PEMT: variants seen among roughly 807,000 people sequenced by gnomAD.
PEMT encodes phospholipid methyltransferase.
A neutral mutation model predicts 27.4 loss-of-function variants in PEMT; 23 were observed. That is an observed-to-expected ratio of 0.84 (90% CI 0.60 to 1.19). The LOEUF is 1.19. Ranked by LOEUF, PEMT falls within the 50% of genes most tolerant of loss-of-function variation. The pLI is 0.00. For missense variants in PEMT, 307 were observed against 310.1 expected, an observed-to-expected ratio of 0.99 and a Z score of 0.07; for synonymous variants, 137 against 139.1, an observed-to-expected ratio of 0.98 and a Z score of 0.11.
intron 3 of PEMT, among the ~76,000 whole-genome samples, chr17:17,520,263 G>A (rs1023123603): frequency 6.6e-6 from 1 of 152,198 alleles, no homozygotes; most frequent in Non-Finnish European, 1.5e-5. Flanking sequence ...CTCTGCCGGT[G>A]GCCCAAGAGG....
rs564721923 is a variant in PEMT at position 17,551,731 on chromosome 17, A to G, written c.204+25189T>C. 8.5e-5 allele frequency among the ~76,000 whole-genome samples: 13 copies of G among 152,198 alleles called. No individual in the cohort carries two copies. The East Asian group carries it at 2.5e-3, about 29-fold the overall frequency. Reference sequence around the variant, plus strand: ...AAGGAGAGTCCTGAAAAAGTGTAGCACCCTCGGCCACCAGCGCAGGGCATG... The same window carrying G: ...AAGGAGAGTCCTGAAAAAGTGTAGCGCCCTCGGCCACCAGCGCAGGGCATG... On this transcript the variant is annotated intron_variant, in intron 2 of 6. Transcript: ENST00000255389.
intron 2 of PEMT, among the ~76,000 whole-genome samples, chr17:17,566,179 AG>A (rs1429282818): frequency 1.3e-5 from 2 of 152,182 alleles, no homozygotes; most frequent in Non-Finnish European, 2.9e-5. Context: ...CAAATAACAC[AG>A]CCCCGCTGGG....
intron 2 of PEMT, among the ~76,000 whole-genome samples, chr17:17,524,083 C>T (rs370205985): frequency 2.6e-5 from 4 of 152,278 alleles, no homozygotes; most frequent in South Asian, 4.1e-4. Context: ...TGCCACAGTG[C>T]GTAAATGCAC....
chr17:17,528,873 G>A (rs1567686605), intron 2 of PEMT, among the ~76,000 whole-genome samples: 1 of 152,236 alleles, frequency 6.6e-6, no homozygotes, highest in Non-Finnish European at 1.5e-5. Flanking sequence ...CGGCCCCGAT[G>A]GCCCAGGCCC....
intron 1 of PEMT, among the ~76,000 whole-genome samples, chr17:17,583,698 G>A (rs146872211): frequency 1.6e-3 from 239 of 152,368 alleles, no homozygotes; most frequent in African/African-American, 5.5e-3. Context: ...ACTCAGGGCC[G>A]AGGCTGGCGG....
chr17:17,556,168 G>A (rs1161083727), intron 2 of PEMT, among the ~76,000 whole-genome samples: 1 of 152,206 alleles, frequency 6.6e-6, no homozygotes, highest in Non-Finnish European at 1.5e-5. Context: ...CCAGAGAACA[G>A]GGCCAGGTCC....
intron 2 of PEMT, among the ~76,000 whole-genome samples, chr17:17,537,842 G>A (rs1305226667): frequency 2.6e-5 from 4 of 152,198 alleles, no homozygotes; most frequent in East Asian, 1.9e-4. Context: ...GAAGGCAGGT[G>A]TCTTTCCTTC....
At chr17:17,535,046 G>A (rs1462526738) in intron 2 of PEMT, among the ~76,000 whole-genome samples, 8 of 151,976 alleles carry the variant, frequency 5.3e-5, no homozygotes, top group Admixed American at 1.3e-4. Flanking sequence ...GAGTAGCTGC[G>A]ATTACAGGTG....
At chr17:17,528,933 A>G (rs990994999) in intron 2 of PEMT, among the ~76,000 whole-genome samples, 2 of 152,200 alleles carry the variant, frequency 1.3e-5, no homozygotes, top group Admixed American at 1.3e-4. Flanking sequence ...GCCCCAGATC[A>G]AGGTCACTGT....
intron 2 of PEMT, among the ~76,000 whole-genome samples, chr17:17,560,431 G>A (rs1047051204): frequency 6.6e-6 from 1 of 152,240 alleles, no homozygotes; most frequent in African/African-American, 2.4e-5. Flanking sequence ...AGAGGCTGTG[G>A]CAGAGGTTAT....
chr17:17,585,079 T>C (rs527768424), intron 1 of PEMT, among the ~76,000 whole-genome samples: 15 of 152,232 alleles, frequency 9.9e-5, no homozygotes, highest in Non-Finnish European at 1.6e-4. Flanking sequence ...GGCTCACGCC[T>C]GTAATCCCAG....
chr17:17,517,155 C>T lies in PEMT; in HGVS notation c.321-4501G>A, dbSNP rs149244315. Among the ~76,000 whole-genome samples, 641 of 152,338 alleles carry T rather than the reference C, an allele frequency of 4.2e-3. 5 individuals carry two copies. Among genetic ancestry groups the T allele is most frequent in the African/African-American group, 0.015 (610 of 41,574 alleles). ...GAGGACCACGCCTTGGGTGAGCTCA[C>T]ACCCAGCAGGCACCTTGATTCCAGC... On this transcript the variant is annotated intron_variant, in intron 3 of 6. Transcript: ENST00000255389.
intron 2 of PEMT, among the ~76,000 whole-genome samples, chr17:17,550,614 T>C (rs1276731725): frequency 6.6e-6 from 1 of 152,380 alleles, no homozygotes; most frequent in East Asian, 1.9e-4. Context: ...ATTTGTGTGA[T>C]TGTTGTAGAC....
chr17:17,582,871 G>A lies in PEMT; in HGVS notation c.97-5844C>T, dbSNP rs985188861. Among the ~76,000 whole-genome samples, 1 of 152,090 alleles carries A rather than the reference G, an allele frequency of 6.6e-6. No homozygotes were observed. Among genetic ancestry groups the A allele is most frequent in the Non-Finnish European group, 1.5e-5 (1 of 68,012 alleles). On this transcript the variant is annotated intron_variant, in intron 1 of 6. Transcript: ENST00000255389. The surrounding 1 kb of genome is among the most constrained non-coding windows in gnomAD (Gnocchi z 4.9). ...AAGGCCAGGAGTCAGAGATCAGCCTGGCCAATATGGTGAAACCCCGTTTCT... is the reference window on the plus strand; with the variant it reads ...AAGGCCAGGAGTCAGAGATCAGCCTAGCCAATATGGTGAAACCCCGTTTCT...
At chr17:17,521,938 C>G (rs1429161409) in intron 3 of PEMT, among the ~76,000 whole-genome samples, 1 of 152,174 alleles carries the variant, frequency 6.6e-6, no homozygotes, top group Non-Finnish European at 1.5e-5. Flanking sequence ...TGAGGGCTCC[C>G]GAGCCAGCAT....
chr17:17,505,618 G>A lies in PEMT; in HGVS notation c.*173C>T. On this transcript the variant is annotated 3_prime_UTR_variant, in exon 7 of 7. Transcript: ENST00000255389. ...GGAATGTGTGGGTTGGAGCTCAATG[G>A]CCATATGTCGGCACGTCCAGGGTCC... 1 of 569,802 alleles carries A rather than the reference G, an allele frequency of 1.8e-6. No individual in the cohort carries two copies. The allele number at this position is 569,802 out of a possible 1,614,324, so 35.3% of individuals were successfully genotyped here.
chr17:17,527,950 C>A (rs1387655390), intron 2 of PEMT, among the ~76,000 whole-genome samples: 1 of 152,246 alleles, frequency 6.6e-6, no homozygotes, highest in African/African-American at 2.4e-5. Flanking sequence ...TAGGTCCCAT[C>A]TGGATTCCAC....
intron 1 of PEMT, among the ~76,000 whole-genome samples, chr17:17,589,287 TTTTTA>T (rs905665838): frequency 1.3e-5 from 2 of 151,318 alleles, no homozygotes; most frequent in African/African-American, 4.9e-5. Flanking sequence ...TTTTTTTTTT[TTTTTA>T]AAAACAAAAG....
At chr17:17,542,449 C>T (rs1352473999) in intron 2 of PEMT, among the ~76,000 whole-genome samples, 1 of 152,212 alleles carries the variant, frequency 6.6e-6, no homozygotes, top group African/African-American at 2.4e-5. Flanking sequence ...ATATCCTCAG[C>T]TCACCACGGG....
Sources: allele counts gnomAD v4.1 joint callset (sites outside exome capture counted in the v4.1 genomes callset), GRCh38; gene constraint gnomAD v4.1.1; non-coding constraint Gnocchi (gnomAD v3.1); transcripts MANE v1.5; gene names NCBI Gene and HGNC (gene_info 2026-07-23, HGNC 2026-07-21).